Variants in ANKS1B observed in about 807,000 individuals in gnomAD.
ANKS1B encodes ankyrin repeat and sterile alpha motif domain containing 1B.
Under a neutral mutation model 148.3 loss-of-function variants are expected in ANKS1B, and 36 were observed. That is an observed-to-expected ratio of 0.24 (90% CI 0.19 to 0.32). The LOEUF (loss-of-function observed/expected upper bound fraction) is 0.32, where lower values mean the gene tolerates loss of function less well. Ranked by LOEUF, ANKS1B falls within the 10% of genes least tolerant of loss-of-function variation. ANKS1B has a pLI of 1.00. For missense variants in ANKS1B, 1,157 were observed against 1,542.6 expected (o/e 0.75, Z 4.19); for synonymous variants, 542 against 560.8 (o/e 0.97, Z 0.47).
At chr12:99,112,616 A>G (rs2060525670) in intron 15 of ANKS1B, among the ~76,000 whole-genome samples, 1 of 152,114 alleles carries the variant, frequency 6.6e-6, no homozygotes, top group Non-Finnish European at 1.5e-5. Context: ...CAGGTACTGT[A>G]CATAATATGT....
chr12:99,199,588 G>A (rs961255829), intron 14 of ANKS1B, among the ~76,000 whole-genome samples: 1 of 151,906 alleles, frequency 6.6e-6, no homozygotes, highest in African/African-American at 2.4e-5. Context: ...TACTATTGAG[G>A]CACCTGAAAT....
At chr12:99,319,933 T>G (rs2084917935) in intron 12 of ANKS1B, among the ~76,000 whole-genome samples, 2 of 152,224 alleles carry the variant, frequency 1.3e-5, no homozygotes, top group South Asian at 4.1e-4. Flanking sequence ...AAGGATTTTA[T>G]TTATCCTTCA....
chr12:98,770,789 G>A (rs1284864934), intron 25 of ANKS1B, among the ~76,000 whole-genome samples: 1 of 152,168 alleles, frequency 6.6e-6, no homozygotes, highest in African/African-American at 2.4e-5. Context: ...GCCTATAGGT[G>A]TTCATCAGAA....
chr12:98,845,977 TATACAC>T (rs1026293175), intron 17 of ANKS1B, among the ~76,000 whole-genome samples: 2 of 62,660 alleles, frequency 3.2e-5, no homozygotes, highest in Non-Finnish European at 1.1e-4. Context: ...TATATATATA[TATACAC>T]ACACACACAC....
chr12:99,935,019 T>C (rs1050901630), intron 1 of ANKS1B, among the ~76,000 whole-genome samples: 1 of 151,996 alleles, frequency 6.6e-6, no homozygotes, highest in Non-Finnish European at 1.5e-5. Context: ...TATTTGAATG[T>C]ATATACAGTC....
At chr12:99,043,539 G>T (rs2099960436) in intron 17 of ANKS1B, among the ~76,000 whole-genome samples, 1 of 152,164 alleles carries the variant, frequency 6.6e-6, no homozygotes, top group Non-Finnish European at 1.5e-5. Context: ...CAGGCATAAG[G>T]CTTGTAAGCA....
intron 1 of ANKS1B, among the ~76,000 whole-genome samples, chr12:99,846,374 T>G (rs1334719288): frequency 6.6e-6 from 1 of 152,112 alleles, no homozygotes; most frequent in Non-Finnish European, 1.5e-5. Context: ...AATAGTCCTT[T>G]ACTTTTTGCA....
chr12:99,910,810 T>A (rs2093983078), intron 1 of ANKS1B, among the ~76,000 whole-genome samples: 1 of 152,110 alleles, frequency 6.6e-6, no homozygotes, highest in South Asian at 2.1e-4. Flanking sequence ...TACAGAGAGT[T>A]CTGAATTATC....
Position 99,053,887 on chromosome 12 carries a change from A to G in ANKS1B, c.2626-578T>C, listed in dbSNP as rs186232853. Among the ~76,000 whole-genome samples the G allele has an allele frequency of 2.9e-3, 443 of 152,342 alleles. 1 individual carries two copies. The highest frequency in any genetic ancestry group is 4.6e-3 in the Non-Finnish European group (310 of 68,034). On this transcript the variant is annotated intron_variant, in intron 16 of 26. Coordinates refer to ENST00000683438, the MANE Select transcript of ANKS1B (RefSeq NM_001352186.2). ...ATGTGTTCTGCATCGACTCTACAGT[A>G]TGTTAGACATGAATAGAGAACTTGC...
At chr12:99,724,543 A>C (rs2058427447) in intron 8 of ANKS1B, among the ~76,000 whole-genome samples, 1 of 152,184 alleles carries the variant, frequency 6.6e-6, no homozygotes. Context: ...GAGTACCTGA[A>C]ACAGACAGAG....
At chr12:98,896,888 A>G (rs2099765446) in intron 17 of ANKS1B, among the ~76,000 whole-genome samples, 1 of 152,236 alleles carries the variant, frequency 6.6e-6, no homozygotes, top group African/African-American at 2.4e-5. Flanking sequence ...TGACCGAAGA[A>G]TGACATTTTC....
intron 7 of ANKS1B, 83 bp from the exon 8 acceptor site, chr12:99,773,171 G>T: frequency 1.8e-6 from 2 of 1,106,798 alleles, no homozygotes; most frequent in Non-Finnish European, 2.6e-6. Context: ...GACTGCTATG[G>T]TGATAGAACT....
In ANKS1B at chr12:99,443,851, T is replaced by C. The variant is rs184725180; in HGVS notation, c.1439-42A>G. On this transcript the variant is annotated intron_variant, in intron 10 of 26. Transcript: ENST00000683438. ...AACTGCCATGAACCTAATCACTCAG[T>C]TTACCTTTTAAGACTTGAAATTAAT... 118 of 1,557,836 alleles carry C rather than the reference T, an allele frequency of 7.6e-5. 1 individual carries two copies. The African/African-American group carries it at 1.4e-3, about 18-fold the overall frequency.
At chr12:98,982,648 A>G (rs1043649541) in intron 17 of ANKS1B, among the ~76,000 whole-genome samples, 3 of 152,246 alleles carry the variant, frequency 2.0e-5, no homozygotes, top group Non-Finnish European at 4.4e-5. Context: ...ATATAAATGG[A>G]ATCATTTGCA....
intron 15 of ANKS1B, among the ~76,000 whole-genome samples, chr12:99,132,746 G>A (rs960018040): frequency 6.6e-6 from 1 of 152,122 alleles, no homozygotes; most frequent in Non-Finnish European, 1.5e-5. Context: ...CTGAGCCTTA[G>A]TCTTCTTTTT....
intron 12 of ANKS1B, among the ~76,000 whole-genome samples, chr12:99,272,568 A>G (rs1375117559): frequency 6.6e-6 from 1 of 152,214 alleles, no homozygotes; most frequent in Non-Finnish European, 1.5e-5. Flanking sequence ...CACACTGTAC[A>G]CAGGTATCAA....
intron 17 of ANKS1B, among the ~76,000 whole-genome samples, chr12:99,040,636 T>G (rs1395757698): frequency 6.6e-6 from 1 of 152,120 alleles, no homozygotes; most frequent in African/African-American, 2.4e-5. Context: ...TCTTAACCTG[T>G]AAAATGGGAA....
At chr12:99,444,323 T>A (rs2095599783) in intron 10 of ANKS1B, among the ~76,000 whole-genome samples, 1 of 151,902 alleles carries the variant, frequency 6.6e-6, no homozygotes, top group Non-Finnish European at 1.5e-5. Context: ...TGAAGCTTGA[T>A]GAAAAACTGA....
intron 9 of ANKS1B, among the ~76,000 whole-genome samples, chr12:99,535,333 CA>C (rs553593204): frequency 6.5e-4 from 99 of 152,278 alleles, no homozygotes; most frequent in Non-Finnish European, 1.3e-3. Context: ...ATGATTGGTC[CA>C]CTCTTGTTGT....
Sources: allele counts gnomAD v4.1 joint callset (sites outside exome capture counted in the v4.1 genomes callset), GRCh38; gene constraint gnomAD v4.1.1; transcripts MANE v1.5; gene names NCBI Gene and HGNC (gene_info 2026-07-23, HGNC 2026-07-21).